The following TM9SF4 variants were observed in gnomAD, a reference collection of about 807,000 sequenced individuals.
The protein encoded by TM9SF4 is transmembrane 9 superfamily member 4.
TM9SF4 carries 26 observed loss-of-function variants against 90.4 expected under a neutral mutation model. The observed-to-expected ratio is 0.29, with a 90% confidence interval of 0.21 to 0.40. The LOEUF (loss-of-function observed/expected upper bound fraction) is 0.40. TM9SF4 is among the 10% of genes least tolerant of loss of function. The probability of loss-of-function intolerance (pLI) is 1.00; values close to 1 mark genes in which losing one functional copy is unlikely to be tolerated. For synonymous variants in TM9SF4, 293 were observed against 315.4 expected (o/e 0.93, Z 0.75); for missense variants, 549 against 834.8 (o/e 0.66, Z 4.22).
chr20:32,154,136 A>G (rs2046882919), intron 12 of TM9SF4, among the ~76,000 whole-genome samples: 2 of 152,028 alleles, frequency 1.3e-5, no homozygotes, highest in South Asian at 4.1e-4. Context: ...GTGTTTTGTT[A>G]AAGTTGTTTT....
rs533979631 is a variant in TM9SF4 at position 32,165,480 on chromosome 20, G to C, written c.*36G>C. ...CCACGGCCAAGCTTGCTCCGTCCTCGGACAGGAAGCCACCCTGCGTGGGGG... is the reference window on the plus strand; with the variant it reads ...CCACGGCCAAGCTTGCTCCGTCCTCCGACAGGAAGCCACCCTGCGTGGGGG... On this transcript the variant is annotated 3_prime_UTR_variant, in exon 18 of 18. Coordinates refer to ENST00000398022, the MANE Select transcript of TM9SF4 (RefSeq NM_014742.4). The C allele has an allele frequency of 3.7e-6, 6 of 1,608,110 alleles. No homozygotes were observed. The highest frequency in any genetic ancestry group is 5.1e-6 in the Non-Finnish European group (6 of 1,175,176).
chr20:32,140,946 C>T (rs981714075), intron 3 of TM9SF4, among the ~76,000 whole-genome samples: 4 of 151,820 alleles, frequency 2.6e-5, no homozygotes, highest in South Asian at 2.1e-4. Flanking sequence ...TGGCTGGGCG[C>T]GGTGGCTCAC....
intron 17 of TM9SF4, among the ~76,000 whole-genome samples, chr20:32,164,207 A>T (rs4911554): frequency 0.72 from 100,914 of 141,038 alleles, 36,055 homozygotes; most frequent in East Asian, 0.99. Context: ...TCCCCCGACC[A>T]CCAGCCACAA....
At chr20:32,140,007 C>G (rs1274147050) in intron 3 of TM9SF4, among the ~76,000 whole-genome samples, 14 of 152,242 alleles carry the variant, frequency 9.2e-5, no homozygotes, top group Non-Finnish European at 2.1e-4. Context: ...TATCTTCCTG[C>G]TAGGCCATGC....
chr20:32,133,145 T>A lies in TM9SF4; in HGVS notation c.129+19T>A. 6.2e-7 allele frequency: 1 copy of A among 1,612,014 alleles called. No homozygotes were observed. Among genetic ancestry groups the A allele is most frequent in the Non-Finnish European group, 8.5e-7 (1 of 1,178,380 alleles). On this transcript the variant is annotated intron_variant, in intron 2 of 17. Coordinates refer to ENST00000398022, the MANE Select transcript of TM9SF4 (RefSeq NM_014742.4). The stretch of plus-strand genomic sequence containing the variant: ...AATCAAGGTAAGTGTGTTCCTGGAT[T>A]TTTGGAGCCTCTGTGCTAGGCAGTG...
intron 17 of TM9SF4, among the ~76,000 whole-genome samples, chr20:32,163,268 AATATATAT>A (rs1186662308): frequency 6.8e-4 from 51 of 74,476 alleles, no homozygotes; most frequent in South Asian, 6.0e-3. Context: ...AAAAAAAAAA[AATATATAT>A]ATATATATAT....
intron 1 of TM9SF4, among the ~76,000 whole-genome samples, chr20:32,130,827 A>T (rs777237842): frequency 1.1e-4 from 16 of 152,114 alleles, no homozygotes; most frequent in Non-Finnish European, 2.4e-4. Flanking sequence ...GTACTGTTTG[A>T]ATTATTTACT....
intron 17 of TM9SF4, among the ~76,000 whole-genome samples, chr20:32,163,722 C>T (rs1367650703): frequency 2.0e-5 from 3 of 150,708 alleles, no homozygotes; most frequent in African/African-American, 7.3e-5. Flanking sequence ...AGCGATTCTC[C>T]TGCCTCTGCC....
In TM9SF4 at chr20:32,165,413, G is replaced by A. The variant is rs773759884; in HGVS notation, c.1898G>A (p.Arg633His). ...IGFYAAYMFV[R>H]KIYAAVKID ...TTCTATGCAGCCTACATGTTTGTTC[G>A]CAAGATCTATGCTGCTGTGAAGATA... The change falls in exon 18 of 18, where the codon CGC becomes CAC. Residue 633 changes from arginine to histidine, a missense_variant. Coordinates refer to ENST00000398022, the MANE Select transcript of TM9SF4 (RefSeq NM_014742.4). The A allele has an allele frequency of 3.1e-6, 5 of 1,614,134 alleles. No individual in the cohort carries two copies. The highest frequency in any genetic ancestry group is 3.3e-5 in the Admixed American group (2 of 60,018).
chr20:32,165,208 CATG>C (rs2047082554), intron 17 of TM9SF4, 84 bp from the exon 18 acceptor site: 3 of 1,568,908 alleles, frequency 1.9e-6, no homozygotes, highest in African/African-American at 1.4e-5. Context: ...TCAGTTTCCC[CATG>C]ATATCAGTGA....
At chr20:32,155,654 G>A (rs1178737410) in intron 13 of TM9SF4, among the ~76,000 whole-genome samples, 1 of 152,232 alleles carries the variant, frequency 6.6e-6, no homozygotes, top group African/African-American at 2.4e-5. Flanking sequence ...CCAGTCCAGT[G>A]TGTTACTAGC....
intron 1 of TM9SF4, among the ~76,000 whole-genome samples, chr20:32,130,826 G>T (rs2046499202): frequency 6.6e-6 from 1 of 152,144 alleles, no homozygotes; most frequent in African/African-American, 2.4e-5. Flanking sequence ...TGTACTGTTT[G>T]AATTATTTAC....
chr20:32,152,876 T>C (rs1296179665), intron 12 of TM9SF4, among the ~76,000 whole-genome samples: 1 of 152,192 alleles, frequency 6.6e-6, no homozygotes, highest in Non-Finnish European at 1.5e-5. Flanking sequence ...AGGTGTGTTG[T>C]TCTCTACATA....
At chr20:32,135,664 C>T (rs2046584637) in intron 2 of TM9SF4, among the ~76,000 whole-genome samples, 1 of 152,102 alleles carries the variant, frequency 6.6e-6, no homozygotes, top group African/African-American at 2.4e-5. Context: ...TAGGTCAAAG[C>T]CTGAGGCAGG....
In TM9SF4 at chr20:32,141,625, C is replaced by G; in HGVS notation, c.358C>G (p.Leu120Val). The change falls in exon 4 of 18, where the codon CTC becomes GTC. Residue 120 changes from leucine (L) to valine (V), a missense_variant. This residue lies in a region of TM9SF4 where 495 missense variants were observed against 711.7 expected (regional missense o/e 0.70). Transcript: ENST00000398022. ...GACCCTGACAGTGGAGCAGAGCCGA[C>G]TCGTGGCCGAGCGGATCACAGAAGA... is the stretch of plus-strand genomic sequence containing the variant. ...PVTLTVEQSR[L>V]VAERITEDYY... 6.2e-7 allele frequency: 1 copy of G among 1,614,170 alleles called. No individual in the cohort carries two copies. The highest frequency in any genetic ancestry group is 8.5e-7 in the Non-Finnish European group (1 of 1,180,034).
chr20:32,112,296 T>C (rs2046154782), intron 1 of TM9SF4, among the ~76,000 whole-genome samples: 1 of 152,196 alleles, frequency 6.6e-6, no homozygotes, highest in African/African-American at 2.4e-5. Context: ...GCACCTGTAG[T>C]ACCAGCTACT....
intron 1 of TM9SF4, among the ~76,000 whole-genome samples, chr20:32,112,710 CAAAA>C (rs1374684745): frequency 8.0e-6 from 1 of 125,784 alleles, no homozygotes; most frequent in Non-Finnish European, 1.7e-5. Flanking sequence ...AAAAAAAAAA[CAAAA>C]AACAAAACAC....
rs111535529 is a variant in TM9SF4, at chr20:32,130,457, G to A, written c.16-2556G>A. ...GAGGGGAATTAGAGGAAAAAAGAGG[G>A]CAGGGTTTATTTCTCTCACATGACA... On this transcript the variant is annotated intron_variant, in intron 1 of 17. Coordinates refer to ENST00000398022, the MANE Select transcript of TM9SF4 (RefSeq NM_014742.4). 1.3e-4 allele frequency among the ~76,000 whole-genome samples: 20 copies of A among 152,264 alleles called. No homozygotes were observed. In the East Asian group the frequency reaches 3.9e-3, roughly 29 times the overall value.
intron 2 of TM9SF4, among the ~76,000 whole-genome samples, chr20:32,134,839 A>T (rs2046572315): frequency 1.3e-5 from 2 of 151,984 alleles, no homozygotes; most frequent in South Asian, 4.2e-4. Context: ...TGCCCAGCCG[A>T]TTTTTGCATT....
Sources: gnomAD v4.1 joint callset for allele counts (sites outside exome capture counted in the v4.1 genomes callset) on GRCh38, gnomAD v4.1.1 for gene constraint, gnomAD v4.1.1 regional missense constraint, MANE v1.5 for transcripts, NCBI Gene and HGNC (gene_info 2026-07-23, HGNC 2026-07-21) for gene names.